The following RASA2 variants were observed in gnomAD, a reference collection of about 807,000 sequenced individuals.
RASA2 encodes the protein RAS p21 protein activator 2, also known as ras GTPase-activating protein 2.
A neutral mutation model predicts 118.2 loss-of-function variants in RASA2; 155 were observed. The ratio of observed to expected loss-of-function variants is 1.31; its 90% CI spans 1.15 to 1.50. The LOEUF (loss-of-function observed/expected upper bound fraction) is 1.50. Ranked by LOEUF, RASA2 falls within the 40% of genes most tolerant of loss-of-function variation. The pLI is 0.00. For synonymous variants in RASA2, 353 were observed against 349.1 expected (o/e 1.01, Z -0.12); for missense variants, 1,016 against 1,009.6 (o/e 1.01, Z -0.09).
rs1197132119 is a variant in RASA2, at chr3:141,536,031, G to A, written c.451-4502G>A. On this transcript the variant is annotated intron_variant, in intron 4 of 23. Coordinates refer to ENST00000286364, the MANE Select transcript of RASA2 (RefSeq NM_006506.5). Reference sequence around the variant, plus strand: ...AATTGAAATAATCACAGATATTTTTGTGTGAAATTTTTGTAAAATTAATTG... The same window carrying A: ...AATTGAAATAATCACAGATATTTTTATGTGAAATTTTTGTAAAATTAATTG... Among the ~76,000 whole-genome samples, 5 of 152,246 alleles carry A rather than the reference G, an allele frequency of 3.3e-5. No individual in the cohort carries two copies. In the South Asian group the frequency reaches 8.3e-4, roughly 25 times the overall value.
intron 13 of RASA2, 115 bp downstream of exon 13, chr3:141,573,336 C>A: frequency 9.0e-7 from 1 of 1,105,576 alleles, no homozygotes; most frequent in Non-Finnish European, 1.2e-6. Flanking sequence ...GTTTATTCTT[C>A]ACATAAGCCT....
At chr3:141,504,380 T>C (rs768555119) in intron 1 of RASA2, among the ~76,000 whole-genome samples, 2 of 152,218 alleles carry the variant, frequency 1.3e-5, no homozygotes, top group Admixed American at 6.5e-5. Context: ...TCAGATTTAA[T>C]ATTCAATACA....
intron 5 of RASA2, among the ~76,000 whole-genome samples, chr3:141,543,876 C>CTTTTTTTTTTTTTTTTTT (rs529631210): frequency 2.4e-4 from 28 of 117,316 alleles, no homozygotes; most frequent in Non-Finnish European, 3.8e-4. Context: ...TTTCTTTTTT[C>CTTTTTTTTTTTTTTTTTT]TTTTTTTTTT....
chr3:141,554,516 C>T lies in RASA2; in HGVS notation c.611+576C>T, dbSNP rs772590088. Among the ~76,000 whole-genome samples, 5 of 152,198 alleles carry T rather than the reference C, an allele frequency of 3.3e-5. 1 individual carries two copies. Among genetic ancestry groups the T allele is most frequent in the Middle Eastern group, 3.4e-3 (1 of 294 alleles). ...AAAAAACCTATAGCACTTTGTAATA[C>T]GGTGTGTTATATGACTTCATTATGA... On this transcript the variant is annotated intron_variant, in intron 6 of 23. Coordinates refer to ENST00000286364, the MANE Select transcript of RASA2 (RefSeq NM_006506.5).
intron 1 of RASA2, among the ~76,000 whole-genome samples, chr3:141,505,367 T>C (rs1486393548): frequency 6.6e-6 from 1 of 152,154 alleles, no homozygotes; most frequent in Non-Finnish European, 1.5e-5. Flanking sequence ...GTAGTAGAGA[T>C]GCAAGGTACA....
chr3:141,523,128 T>C lies in RASA2; in HGVS notation c.356-6580T>C, dbSNP rs958865044. Among the ~76,000 whole-genome samples, 12 of 151,870 alleles carry C rather than the reference T, an allele frequency of 7.9e-5. No individual in the cohort carries two copies. In the East Asian group the frequency reaches 2.3e-3, roughly 29 times the overall value. The stretch of plus-strand genomic sequence containing the variant: ...AAATTTTAAATTATGGCATAGATAA[T>C]CCCATTTTTTTTTTTTTTGAGACGA... On this transcript the variant is annotated intron_variant, in intron 3 of 23. Coordinates refer to ENST00000286364, the MANE Select transcript of RASA2 (RefSeq NM_006506.5).
At position 141,607,820 on chromosome 3, in the gene RASA2, G is replaced by A. The variant is rs1385611044; in HGVS notation, c.2016+60G>A. The A allele has an allele frequency of 4.2e-6, 6 of 1,437,638 alleles. No individual in the cohort carries two copies. In the Admixed American group the frequency reaches 1.4e-4, roughly 33 times the overall value. 89.1% of individuals were successfully genotyped at this position (1,437,638 alleles called of 1,614,324 possible). On this transcript the variant is annotated intron_variant, in intron 20 of 23. Coordinates refer to ENST00000286364, the MANE Select transcript of RASA2 (RefSeq NM_006506.5). Reference sequence around the variant, plus strand: ...AACTGCATATATTACTTAAGTATTTGTATTTCGAGGTATTTGTTAATACCT... The same window carrying A: ...AACTGCATATATTACTTAAGTATTTATATTTCGAGGTATTTGTTAATACCT...
chr3:141,588,187 T>C (rs2060827904), intron 19 of RASA2, among the ~76,000 whole-genome samples: 1 of 152,218 alleles, frequency 6.6e-6, no homozygotes, highest in African/African-American at 2.4e-5. Flanking sequence ...TCAGCCTTAT[T>C]TGTGGAGGTA....
chr3:141,607,210 T>G (rs756861975), intron 19 of RASA2, among the ~76,000 whole-genome samples: 1 of 152,146 alleles, frequency 6.6e-6, no homozygotes, highest in South Asian at 2.1e-4. Context: ...TTTAGAAATA[T>G]TATTTTGAGG....
chr3:141,610,476 TAA>T lies in RASA2; in HGVS notation c.2519+412_2519+413del, dbSNP rs1199506123. Among the ~76,000 whole-genome samples, 501 of 111,824 alleles carry T rather than the reference TAA, an allele frequency of 4.5e-3. 5 individuals are homozygous for T. Among genetic ancestry groups the T allele is most frequent in the African/African-American group, 0.017 (410 of 23,894 alleles). 73.4% of individuals were successfully genotyped at this position (111,824 alleles called of 152,430 possible). A position where few individuals can be genotyped will look rare whatever the true frequency, so the allele number is the denominator to read the frequency against. Reference sequence around the variant, plus strand: ...TATTTATATTTATATATTATATATATAAATATATATATATATATATTTAGTTT... The same window carrying T: ...TATTTATATTTATATATTATATATATATATATATATATATATATTTAGTTT... On this transcript the variant is annotated intron_variant, in intron 23 of 23. Transcript: ENST00000286364.
chr3:141,524,985 G>C (rs1022120275), intron 3 of RASA2: 1 of 152,080 alleles, frequency 6.6e-6, no homozygotes, highest in Non-Finnish European at 1.5e-5. Context: ...ATTGTATCAG[G>C]CTGAAATTTC....
chr3:141,599,203 T>C (rs1176054383), intron 19 of RASA2, among the ~76,000 whole-genome samples: 2 of 151,624 alleles, frequency 1.3e-5, no homozygotes, highest in East Asian at 3.9e-4. Flanking sequence ...AGACATGTCA[T>C]GTTTGTGGAT....
intron 19 of RASA2, among the ~76,000 whole-genome samples, chr3:141,587,092 C>A (rs1009959561): frequency 7.2e-5 from 11 of 152,150 alleles, no homozygotes; most frequent in African/African-American, 2.7e-4. Flanking sequence ...GCAAAATTAG[C>A]AAGATTCCAT....
chr3:141,540,141 G>A (rs1466843637), intron 4 of RASA2, among the ~76,000 whole-genome samples: 1 of 152,114 alleles, frequency 6.6e-6, no homozygotes, highest in African/African-American at 2.4e-5. Flanking sequence ...TGATTTCTCT[G>A]TCTTTTAATG....
intron 9 of RASA2, among the ~76,000 whole-genome samples, chr3:141,561,213 C>T (rs1039091973): frequency 6.6e-6 from 1 of 152,124 alleles, no homozygotes; most frequent in African/African-American, 2.4e-5. Context: ...TTTCTGAGCT[C>T]AGTTTGTCAA....
chr3:141,490,826 A>G (rs2081631799), intron 1 of RASA2, among the ~76,000 whole-genome samples: 1 of 152,196 alleles, frequency 6.6e-6, no homozygotes, highest in Non-Finnish European at 1.5e-5. Flanking sequence ...TCATATTCTC[A>G]TATATAAAAT....
At chr3:141,507,148 G>A (rs972063838) in intron 1 of RASA2, among the ~76,000 whole-genome samples, 2 of 152,138 alleles carry the variant, frequency 1.3e-5, no homozygotes, top group African/African-American at 4.8e-5. Context: ...ATGGAACAAT[G>A]AAAATAATTT....
At chr3:141,500,321 C>G (rs940519187) in intron 1 of RASA2, among the ~76,000 whole-genome samples, 6 of 152,142 alleles carry the variant, frequency 3.9e-5, no homozygotes, top group South Asian at 2.1e-4. Flanking sequence ...GTGATAAAGA[C>G]AGTTCTTCTC....
At chr3:141,575,985 C>G (rs2083004925) in intron 14 of RASA2, among the ~76,000 whole-genome samples, 1 of 152,134 alleles carries the variant, frequency 6.6e-6, no homozygotes, top group Non-Finnish European at 1.5e-5. Context: ...CCATGTTGGT[C>G]AGGCTGGTCT....
Sources: gnomAD v4.1 joint callset for allele counts (sites outside exome capture counted in the v4.1 genomes callset) on GRCh38, gnomAD v4.1.1 for gene constraint, MANE v1.5 for transcripts, NCBI Gene and HGNC (gene_info 2026-07-23, HGNC 2026-07-21) for gene names.